PLCB1: variants seen among roughly 807,000 people sequenced by gnomAD.
PLCB1 encodes the protein phospholipase C beta 1.
Under a neutral mutation model 161.8 loss-of-function variants are expected in PLCB1, and 46 were observed. That is an observed-to-expected ratio of 0.28 (90% confidence interval 0.22 to 0.36). PLCB1 has a LOEUF of 0.36. Among genes scored for constraint, PLCB1 ranks in the 10% least tolerant of loss-of-function variants. PLCB1 has a pLI of 1.00. For synonymous variants in PLCB1, 517 were observed against 503.7 expected (o/e 1.03, Z -0.35); for missense variants, 1,016 against 1,472.5 (o/e 0.69, Z 5.07).
At chr20:8,159,010 G>A (rs542490209) in intron 2 of PLCB1, among the ~76,000 whole-genome samples, 1 of 152,270 alleles carries the variant, frequency 6.6e-6, no homozygotes, top group Admixed American at 6.5e-5. Flanking sequence ...CCATTCTAGA[G>A]TCTGGAGGAT....
chr20:8,215,433 C>A (rs116099886), intron 2 of PLCB1, among the ~76,000 whole-genome samples: 207 of 152,086 alleles, frequency 1.4e-3, no homozygotes, highest in African/African-American at 4.6e-3. Context: ...TGTCGCCTCG[C>A]AAGCCAGAGG....
At chr20:8,611,868 C>T (rs1213086289) in intron 3 of PLCB1, among the ~76,000 whole-genome samples, 1 of 152,050 alleles carries the variant, frequency 6.6e-6, no homozygotes, top group Non-Finnish European at 1.5e-5. Context: ...ATTGCTTGAG[C>T]CCGGGGGATA....
intron 3 of PLCB1, among the ~76,000 whole-genome samples, chr20:8,622,699 T>C (rs1309872940): frequency 6.6e-6 from 1 of 152,172 alleles, no homozygotes; most frequent in Non-Finnish European, 1.5e-5. Context: ...CTCCTTGTCT[T>C]ACTTCCCCAC....
chr20:8,309,859 A>T (rs1984313075), intron 2 of PLCB1, among the ~76,000 whole-genome samples: 1 of 152,162 alleles, frequency 6.6e-6, no homozygotes, highest in African/African-American at 2.4e-5. Context: ...AGGGATTAGC[A>T]CGCTAGCCAA....
chr20:8,258,579 AGACTG>A (rs1474518033), intron 2 of PLCB1, among the ~76,000 whole-genome samples: 1 of 152,192 alleles, frequency 6.6e-6, no homozygotes, highest in Non-Finnish European at 1.5e-5. Context: ...TGATTTGCAT[AGACTG>A]GAATTCATTG....
chr20:8,446,833 C>A (rs1189010277), intron 3 of PLCB1, among the ~76,000 whole-genome samples: 1 of 151,488 alleles, frequency 6.6e-6, no homozygotes, highest in Non-Finnish European at 1.5e-5. Context: ...ACTTTTTTTT[C>A]TTTCTTTCTG....
chr20:8,672,763 G>A (rs1290961747), intron 9 of PLCB1, among the ~76,000 whole-genome samples: 1 of 152,038 alleles, frequency 6.6e-6, no homozygotes, highest in Non-Finnish European at 1.5e-5. Flanking sequence ...TTGCTACTGA[G>A]CTCAGAAATT....
intron 3 of PLCB1, among the ~76,000 whole-genome samples, chr20:8,518,414 A>G (rs999096836): frequency 2.0e-5 from 3 of 152,072 alleles, no homozygotes; most frequent in Non-Finnish European, 2.9e-5. Context: ...GGGATGTAGG[A>G]TAGGACTGAA....
chr20:8,862,144 A>G (rs1049615940), intron 31 of PLCB1, among the ~76,000 whole-genome samples: 1 of 152,192 alleles, frequency 6.6e-6, no homozygotes, highest in Non-Finnish European at 1.5e-5. Context: ...CTTGTAGAAT[A>G]CATTTAGTCT....
chr20:8,772,598 G>A (rs540426865), intron 26 of PLCB1, among the ~76,000 whole-genome samples: 13 of 152,190 alleles, frequency 8.5e-5, no homozygotes, highest in Non-Finnish European at 1.8e-4. Flanking sequence ...ACTGATTGAA[G>A]AAATGCCTTT....
At chr20:8,776,980 A>T (rs1295397619) in intron 27 of PLCB1, among the ~76,000 whole-genome samples, 1 of 152,190 alleles carries the variant, frequency 6.6e-6, no homozygotes, top group Non-Finnish European at 1.5e-5. Context: ...CTGAGTTAAG[A>T]GGTGAAGAAC....
intron 16 of PLCB1, among the ~76,000 whole-genome samples, chr20:8,725,492 A>G (rs1443713264): frequency 6.6e-6 from 1 of 152,138 alleles, no homozygotes; most frequent in African/African-American, 2.4e-5. Flanking sequence ...ATGGCTTTGC[A>G]GCTATATCAA....
At chr20:8,247,746 A>T (rs542932363) in intron 2 of PLCB1, among the ~76,000 whole-genome samples, 1 of 151,922 alleles carries the variant, frequency 6.6e-6, no homozygotes, top group East Asian at 2.0e-4. Flanking sequence ...ATAGGAAATG[A>T]CCCTCTCAAG....
intron 2 of PLCB1, among the ~76,000 whole-genome samples, chr20:8,261,928 A>T (rs567267287): frequency 8.3e-4 from 126 of 152,334 alleles, no homozygotes; most frequent in Non-Finnish European, 3.1e-4. Context: ...AATCCATCAC[A>T]AAAGTCTCTA....
At chr20:8,367,690 CTT>C (rs1295199813) in intron 2 of PLCB1, among the ~76,000 whole-genome samples, 1 of 152,156 alleles carries the variant, frequency 6.6e-6, no homozygotes, top group African/African-American at 2.4e-5. Context: ...AACAGAAACT[CTT>C]AAACTGAGGA....
chr20:8,634,936 T>C (rs980590178), intron 4 of PLCB1, among the ~76,000 whole-genome samples: 1 of 152,120 alleles, frequency 6.6e-6, no homozygotes, highest in Non-Finnish European at 1.5e-5. Flanking sequence ...AATATGGTAG[T>C]TTCCTAGACT....
chr20:8,147,257 C>G (rs1293607499), intron 1 of PLCB1, among the ~76,000 whole-genome samples: 3 of 152,192 alleles, frequency 2.0e-5, no homozygotes, highest in Non-Finnish European at 4.4e-5. Flanking sequence ...TTTACAAGAT[C>G]TCTCAGTGAA....
At chr20:8,169,075 T>C (rs1452553314) in intron 2 of PLCB1, among the ~76,000 whole-genome samples, 2 of 152,080 alleles carry the variant, frequency 1.3e-5, no homozygotes, top group Non-Finnish European at 2.9e-5. Context: ...TCTTGGAAGA[T>C]GCAGGCATCA....
chr20:8,177,378 C>T (rs1231924899), intron 2 of PLCB1, among the ~76,000 whole-genome samples: 1 of 152,170 alleles, frequency 6.6e-6, no homozygotes, highest in Non-Finnish European at 1.5e-5. Flanking sequence ...GTGAGGAATA[C>T]ATTTCTGTTG....
Sources: allele counts gnomAD v4.1 joint callset (sites outside exome capture counted in the v4.1 genomes callset), GRCh38; gene constraint gnomAD v4.1.1; transcripts MANE v1.5; gene names NCBI Gene and HGNC (gene_info 2026-07-23, HGNC 2026-07-21).